NRL: variants seen among roughly 807,000 people sequenced by gnomAD.
The protein encoded by NRL is neural retina leucine zipper.
In NRL, 16 loss-of-function variants were observed where a neutral mutation model predicts 12.5. The observed-to-expected ratio is 1.28, with a 90% CI of 0.87 to 1.95. The LOEUF (loss-of-function observed/expected upper bound fraction) is 1.95, where lower values mean the gene tolerates loss of function less well. Among genes scored for constraint, NRL ranks in the 30% most tolerant of loss-of-function variants. The pLI is 0.00. For synonymous variants in NRL, 142 were observed against 150.9 expected (o/e 0.94, Z 0.43); for missense variants, 314 against 325.8 (o/e 0.96, Z 0.28).
intron 1 of NRL, among the ~76,000 whole-genome samples, chr14:24,088,803 ATTTTTTTT>A (rs756699961): frequency 9.4e-6 from 1 of 106,430 alleles, no homozygotes; most frequent in Admixed American, 9.6e-5. Flanking sequence ...TGCCTGGCTA[ATTTTTTTT>A]TTTTTTTTTT....
Position 24,094,092 on chromosome 14 carries a change from G to T in NRL, c.-27-11217C>A. On this transcript the variant is annotated intron_variant, in intron 1 of 2. Transcript: ENST00000561028. The surrounding 1 kb of genome is among the most constrained non-coding windows in gnomAD (Gnocchi z 4.1). ...GGATGGGGGGCGGGGCCTCGAAGTCGGGGGCCGAAGAGTGGACCCAGTCCT... is the reference window on the plus strand; with the variant it reads ...GGATGGGGGGCGGGGCCTCGAAGTCTGGGGCCGAAGAGTGGACCCAGTCCT... 1 of 532,884 alleles carries T rather than the reference G, an allele frequency of 1.9e-6. No homozygotes were observed. Among genetic ancestry groups the T allele is most frequent in the East Asian group, 3.5e-5 (1 of 28,550 alleles). The allele number at this position is 532,884 out of a possible 1,614,324, so 33.0% of individuals were successfully genotyped here.
At chr14:24,114,623 T>C (rs1357371193) in intron 1 of NRL, 99 bp downstream of exon 1, 2 of 952,278 alleles carry the variant, frequency 2.1e-6, no homozygotes, top group Non-Finnish European at 2.5e-6. Context: ...TTCAGGAAGC[T>C]GGCAGTTCCC....
rs1208082056 is a variant in NRL at position 24,080,342 on chromosome 14, GCCAGGCTT to G, written c.*886_*893del. 1 of 152,252 alleles carries G rather than the reference GCCAGGCTT, an allele frequency of 6.6e-6. No individual in the cohort carries two copies. The highest frequency in any genetic ancestry group is 2.4e-5 in the African/African-American group (1 of 41,452). 9.4% of individuals were successfully genotyped at this position (152,252 alleles called of 1,614,324 possible). A position where few individuals can be genotyped will look rare whatever the true frequency, so the allele number is the denominator to read the frequency against. ...GACCCACGTATGTGCTCACAGAGAA[GCCAGGCTT>G]CCTCGCCTGGGCTGTGCATCCCCTG... On this transcript the variant is annotated 3_prime_UTR_variant, in exon 3 of 3. Coordinates refer to ENST00000561028, the MANE Select transcript of NRL (RefSeq NM_001354768.3).
rs1370221273 is a variant in NRL, at chr14:24,080,701, A to C, written c.*535T>G. On this transcript the variant is annotated 3_prime_UTR_variant, in exon 3 of 3. Coordinates refer to ENST00000561028, the MANE Select transcript of NRL (RefSeq NM_001354768.3). ...CAGGCCTTTGCTGCTCTGAGCCCTGAAGGCCACAGGGTTGGGCAGGGAAAA... is the reference window on the plus strand; with the variant it reads ...CAGGCCTTTGCTGCTCTGAGCCCTGCAGGCCACAGGGTTGGGCAGGGAAAA... 6.6e-6 allele frequency: 1 copy of C among 152,526 alleles called. No individual in the cohort carries two copies. Among genetic ancestry groups the C allele is most frequent in the East Asian group, 1.9e-4 (1 of 5,186 alleles). 9.4% of individuals were successfully genotyped at this position (152,526 alleles called of 1,614,324 possible). A position where few individuals can be genotyped will look rare whatever the true frequency, so the allele number is the denominator to read the frequency against.
intron 1 of NRL, chr14:24,100,317 G>A: frequency 6.6e-7 from 1 of 1,522,396 alleles, no homozygotes; most frequent in Non-Finnish European, 8.8e-7. Flanking sequence ...ACTGCCAGGA[G>A]GCACAGAAGT....
chr14:24,081,523 G>A lies in NRL; in HGVS notation c.427C>T (p.Arg143Trp). The A allele has an allele frequency of 6.2e-7, 1 of 1,604,246 alleles. No homozygotes were observed. The highest frequency in any genetic ancestry group is 8.5e-7 in the Non-Finnish European group (1 of 1,176,902). The change falls in exon 3 of 3, where the codon CGG (arginine) becomes TGG (tryptophan). Residue 143 changes from arginine (R) to tryptophan (W), a missense_variant. Coordinates refer to ENST00000561028, the MANE Select transcript of NRL (RefSeq NM_001354768.3). The surrounding 1 kb of genome is among the most constrained non-coding windows in gnomAD (Gnocchi z 4.4). ...CCCCGCAGCTGCCGGTTTAGCTCCC[G>A]CACAGACATCGAGACCAGCGCCGCG... ...SDAALVSMSV[R>W]ELNRQLRGCG...
At position 24,107,977 on chromosome 14, in the gene NRL, A is replaced by G. The variant is rs539077992; in HGVS notation, c.-28+6745T>C. ...AAACATTATGAACTCATGGATTTAAACATACTTAGTGTTTATTAAATTGAC... is the reference window on the plus strand; with the variant it reads ...AAACATTATGAACTCATGGATTTAAGCATACTTAGTGTTTATTAAATTGAC... On this transcript the variant is annotated intron_variant, in intron 1 of 2. Transcript: ENST00000561028. Among the ~76,000 whole-genome samples, 178 of 152,366 alleles carry G rather than the reference A, an allele frequency of 1.2e-3. 3 individuals are homozygous for G. The highest frequency in any genetic ancestry group is 1.7e-3 in the South Asian group (8 of 4,830).
At chr14:24,091,013 TA>T (rs1334172079) in intron 1 of NRL, among the ~76,000 whole-genome samples, 1 of 152,072 alleles carries the variant, frequency 6.6e-6, no homozygotes, top group Non-Finnish European at 1.5e-5. Flanking sequence ...TACAGAGATA[TA>T]AAAGTAACTA....
intron 1 of NRL, chr14:24,098,056 G>C: frequency 1.5e-6 from 1 of 680,586 alleles, no homozygotes; most frequent in Non-Finnish European, 2.5e-6. Context: ...ATGGGACAAA[G>C]CCTGGAGGAA....
At chr14:24,110,684 C>A (rs1418664399) in intron 1 of NRL, 2 of 152,346 alleles carry the variant, frequency 1.3e-5, no homozygotes, top group Admixed American at 1.3e-4. Flanking sequence ...ATATTTAGAT[C>A]TTTGTTTCCA....
chr14:24,084,850 T>C, intron 1 of NRL: 1 of 350,144 alleles, frequency 2.9e-6, no homozygotes, highest in Non-Finnish European at 4.0e-6. Context: ...ATGATCCGAC[T>C]CCCAAGTGCT....
chr14:24,100,352 C>T, intron 1 of NRL: 1 of 1,468,412 alleles, frequency 6.8e-7, no homozygotes. Context: ...GTTTCCAGTC[C>T]CAGGCAAAAT....
rs1477854756 is a variant in NRL at position 24,081,819 on chromosome 14, G to C, written c.382-251C>G. The C allele has an allele frequency of 1.4e-6, 2 of 1,452,302 alleles. No homozygotes were observed. Among genetic ancestry groups the C allele is most frequent in the African/African-American group, 2.9e-5 (2 of 68,752 alleles). The allele number at this position is 1,452,302 out of a possible 1,614,324, so 90.0% of individuals were successfully genotyped here. On this transcript the variant is annotated intron_variant, in intron 2 of 2. Transcript: ENST00000561028. The surrounding 1 kb of genome is among the most constrained non-coding windows in gnomAD (Gnocchi z 4.4). The stretch of plus-strand genomic sequence containing the variant: ...ACGGTGCAGGGCCGGCCACGGTCAG[G>C]CGAGCCCGTCGCGCACCTAAACCCC...
intron 1 of NRL, chr14:24,098,823 G>C (rs1384515948): frequency 1.3e-6 from 1 of 762,594 alleles, no homozygotes; most frequent in Non-Finnish European, 2.1e-6. Flanking sequence ...TCCCAGCAGA[G>C]GGATAAGGCT....
chr14:24,092,822 A>G (rs956940307), intron 1 of NRL, among the ~76,000 whole-genome samples: 1 of 152,204 alleles, frequency 6.6e-6, no homozygotes, highest in Non-Finnish European at 1.5e-5. Context: ...GAAATGCATC[A>G]ATTCCTGTAA....
At chr14:24,102,853 C>T in intron 1 of NRL, 2 of 1,613,970 alleles carry the variant, frequency 1.2e-6, no homozygotes, top group South Asian at 2.2e-5. Flanking sequence ...AGGGTGTCCC[C>T]ATTGACGCCA....
rs1176085425 is a variant in NRL, at chr14:24,081,397, G to C, written c.553C>G (p.Arg185Gly). 2.0e-6 allele frequency: 3 copies of C among 1,480,160 alleles called. No homozygotes were observed. Among genetic ancestry groups the C allele is most frequent in the Non-Finnish European group, 2.7e-6 (3 of 1,117,878 alleles). The allele number at this position is 1,480,160 out of a possible 1,614,324, so 91.7% of individuals were successfully genotyped here. ...ACRSKRLQQR[R>G]GLEAERARLA... ...CGGGCGCGCTCGGCCTCCAGCCCGCGCCGCTGCTGCAGCCGCTTGGAGCGA... is the reference window on the plus strand; with the variant it reads ...CGGGCGCGCTCGGCCTCCAGCCCGCCCCGCTGCTGCAGCCGCTTGGAGCGA... Residue 185 changes from arginine (R) to glycine (G), a missense_variant, in exon 3 of 3, where the codon CGC (arginine) becomes GGC (glycine). Arg to Gly is a moderately radical substitution (Grantham distance 125). Coordinates refer to ENST00000561028, the MANE Select transcript of NRL (RefSeq NM_001354768.3). This position sits in a 1 kb window ranked among gnomAD's most constrained non-coding sequence, Gnocchi z 4.4.
rs77644489 is a variant in NRL at position 24,078,824 on chromosome 14, A to T, written c.*2412T>A. Among the ~76,000 whole-genome samples, 2,676 of 152,274 alleles carry T rather than the reference A, an allele frequency of 0.018. 82 individuals carry two copies. The highest frequency in any genetic ancestry group is 0.061 in the African/African-American group (2,546 of 41,540). On this transcript the variant is annotated 3_prime_UTR_variant, in exon 3 of 3. Transcript: ENST00000561028. ...AACTGGTAGAACTGCAACTTGAAACAGGGTCTCACTCTGCCACCCAGGCTG... is the reference window on the plus strand; with the variant it reads ...AACTGGTAGAACTGCAACTTGAAACTGGGTCTCACTCTGCCACCCAGGCTG...
intron 1 of NRL, chr14:24,096,843 T>C: frequency 1.3e-6 from 2 of 1,562,662 alleles, no homozygotes; most frequent in Non-Finnish European, 1.7e-6. Flanking sequence ...ACCTGCCTTG[T>C]CCACTCTCGA....
Sources: allele counts gnomAD v4.1 joint callset (sites outside exome capture counted in the v4.1 genomes callset), GRCh38; gene constraint gnomAD v4.1.1; non-coding constraint Gnocchi (gnomAD v3.1); transcripts MANE v1.5; gene names NCBI Gene and HGNC (gene_info 2026-07-23, HGNC 2026-07-21).